The following SLC30A7 variants were observed in gnomAD, a reference collection of about 807,000 sequenced individuals.
The protein encoded by SLC30A7 is zinc transporter 7.
In SLC30A7, 35 loss-of-function variants were observed where a neutral mutation model predicts 46.0. That is an observed-to-expected ratio of 0.76 (90% confidence interval 0.58 to 1.01). The LOEUF is 1.01. SLC30A7 is among the 50% of genes least tolerant of loss of function. The pLI is 0.00. For missense variants in SLC30A7, 464 were observed against 451.1 expected, an observed-to-expected ratio of 1.03 and a Z score of -0.26; for synonymous variants, 147 against 157.8, an observed-to-expected ratio of 0.93 and a Z score of 0.51.
At chr1:100,910,921 G>A (rs1652044966) in intron 3 of SLC30A7, 142 bp from the exon 4 acceptor site, 1 of 554,230 alleles carries the variant, frequency 1.8e-6, no homozygotes, top group South Asian at 2.7e-5. Flanking sequence ...AAAATAAAAT[G>A]CACTGTACTA....
At chr1:100,992,993 A>G in the SLC30A7 span, among the ~76,000 whole-genome samples, 1 of 150,676 alleles carries the variant, frequency 6.6e-6, no homozygotes. Context: ...ATAGATGTCT[A>G]AATGAAAGTT....
intron 9 of SLC30A7, among the ~76,000 whole-genome samples, chr1:100,964,288 T>G (rs145252544): frequency 0.021 from 2,061 of 96,186 alleles, 62 homozygotes; most frequent in African/African-American, 0.081. Flanking sequence ...ATAACATATA[T>G]GTTATATAAC....
intron 8 of SLC30A7, among the ~76,000 whole-genome samples, chr1:100,944,080 C>G (rs1654491603): frequency 6.6e-6 from 1 of 152,184 alleles, no homozygotes; most frequent in Non-Finnish European, 1.5e-5. Context: ...GAGACAGGGT[C>G]TGGCTCTGTC....
At chr1:100,916,704 C>CTTTTTT (rs33980397) in intron 6 of SLC30A7, among the ~76,000 whole-genome samples, 18 of 92,320 alleles carry the variant, frequency 1.9e-4, no homozygotes, top group South Asian at 7.6e-4. Context: ...TTCATTCATT[C>CTTTTTT]TTTTTTTTTT....
chr1:100,938,773 A>C (rs1654140782), intron 8 of SLC30A7, among the ~76,000 whole-genome samples: 1 of 152,140 alleles, frequency 6.6e-6, no homozygotes, highest in Non-Finnish European at 1.5e-5. Flanking sequence ...TCTCAGGGAG[A>C]GCTCCAGTCT....
At chr1:100,905,122 C>A (rs990105689) in intron 2 of SLC30A7, among the ~76,000 whole-genome samples, 25 of 152,016 alleles carry the variant, frequency 1.6e-4, no homozygotes, top group Non-Finnish European at 2.6e-4. Flanking sequence ...TGATAAGAAC[C>A]TTACAATAAT....
rs767603147 is a variant in SLC30A7, at chr1:100,896,578, T to A, written c.89T>A (p.Leu30Gln). The part of the protein sequence containing the change: ...GKISGWFRSI[L>Q]SDKTSRNLFF... Reference sequence around the variant, plus strand: ...ACGTGTATCATTCCCAGGTCTATACTGTCCGACAAGACTTCCCGGAACCTG... The same window carrying A: ...ACGTGTATCATTCCCAGGTCTATACAGTCCGACAAGACTTCCCGGAACCTG... The change falls in exon 2 of 11, where the codon CTG becomes CAG. Residue 30 changes from leucine to glutamine, a missense_variant. By Grantham distance (113) the Leu-to-Gln change is moderately radical (BLOSUM62 -2). Coordinates refer to ENST00000357650, the MANE Select transcript of SLC30A7 (RefSeq NM_133496.5). 1.1e-5 allele frequency: 17 copies of A among 1,614,032 alleles called. No individual in the cohort carries two copies. Among genetic ancestry groups the A allele is most frequent in the Non-Finnish European group, 1.3e-5 (15 of 1,179,892 alleles).
At chr1:100,911,240 A>C in intron 4 of SLC30A7, 90 bp downstream of exon 4, 1 of 833,932 alleles carries the variant, frequency 1.2e-6, no homozygotes, top group Non-Finnish European at 1.8e-6. Context: ...TTTTTCAACT[A>C]TTATTAAATA....
In SLC30A7 at chr1:100,921,708, G is replaced by A. The variant is rs1652943004; in HGVS notation, c.709G>A (p.Val237Ile). Residue 237 changes from valine (V) to isoleucine (I), a missense_variant and splice_region_variant, in exon 8 of 11, where the codon GTA becomes ATA. Coordinates refer to ENST00000357650, the MANE Select transcript of SLC30A7 (RefSeq NM_133496.5). The stretch of plus-strand genomic sequence containing the variant: ...TTTTTATTATGGTTTATTTCTAGGT[G>A]TATTTTTACATATCCTAGCAGATAC... Reference protein sequence around the residue: ...TGPSRQILQGVFLHILADTLG... With the variant: ...TGPSRQILQGIFLHILADTLG... The A allele has an allele frequency of 6.2e-7, 1 of 1,607,040 alleles. No homozygotes were observed. Among genetic ancestry groups the A allele is most frequent in the Non-Finnish European group, 8.5e-7 (1 of 1,175,416 alleles).
In SLC30A7 at chr1:100,944,470, T is replaced by A. The variant is rs189849283; in HGVS notation, c.843-17358T>A. Among the ~76,000 whole-genome samples, 683 of 152,234 alleles carry A rather than the reference T, an allele frequency of 4.5e-3. 4 individuals are homozygous for A. Among genetic ancestry groups the A allele is most frequent in the African/African-American group, 0.016 (658 of 41,536 alleles). On this transcript the variant is annotated intron_variant, in intron 8 of 10. Transcript: ENST00000357650. ...TACTAGCTGCAAAAAGAAAAAAAAA[T>A]TGGCTCCTTTTGGTTCTTTAGTTTT... is the stretch of plus-strand genomic sequence containing the variant.
At chr1:100,896,745 G>A (rs150070794) in intron 2 of SLC30A7, 74 bp downstream of exon 2, 3 of 1,271,194 alleles carry the variant, frequency 2.4e-6, no homozygotes, top group Admixed American at 1.9e-5. Flanking sequence ...TTAATGCCAC[G>A]TAGCTCCTCA....
At chr1:100,986,198 T>G (rs1402492421), downstream of SLC30A7, among the ~76,000 whole-genome samples, 1 of 151,918 alleles carries the variant, frequency 6.6e-6, no homozygotes, top group South Asian at 2.1e-4. Flanking sequence ...TCACCTGAGG[T>G]TGGGAGTTCG....
chr1:100,987,445 T>G, the SLC30A7 span, among the ~76,000 whole-genome samples: 1 of 152,194 alleles, frequency 6.6e-6, no homozygotes, highest in South Asian at 2.1e-4. Context: ...TTCCTCAGAT[T>G]GGACAATTTC....
At position 100,977,567 on chromosome 1, in the gene SLC30A7, T is replaced by C. The variant is rs1323348033; in HGVS notation, c.*2710T>C. The C allele has an allele frequency of 6.6e-6, 1 of 152,204 alleles. No individual in the cohort carries two copies. The highest frequency in any genetic ancestry group is 1.5e-5 in the Non-Finnish European group (1 of 68,038). 9.4% of individuals were successfully genotyped at this position (152,204 alleles called of 1,614,324 possible). On this transcript the variant is annotated 3_prime_UTR_variant, in exon 11 of 11. Coordinates refer to ENST00000357650, the MANE Select transcript of SLC30A7 (RefSeq NM_133496.5). ...TTATAAAATTAATTTACAATGTCCC[T>C]GATATTGAGCTAACTCTTAAAAAAA... is the stretch of plus-strand genomic sequence containing the variant.
At chr1:100,909,404 T>C (rs952445408) in intron 3 of SLC30A7, among the ~76,000 whole-genome samples, 2 of 152,152 alleles carry the variant, frequency 1.3e-5, no homozygotes, top group African/African-American at 4.8e-5. Flanking sequence ...AAAAGTAATA[T>C]ACATCCAGTA....
chr1:100,915,409 T>G (rs1481411570), intron 6 of SLC30A7, among the ~76,000 whole-genome samples: 1 of 152,086 alleles, frequency 6.6e-6, no homozygotes, highest in Non-Finnish European at 1.5e-5. Flanking sequence ...TGAAACTTTG[T>G]ACCCTTTGAC....
At chr1:100,968,475 AT>A (rs1162158790) in intron 10 of SLC30A7, among the ~76,000 whole-genome samples, 8 of 151,852 alleles carry the variant, frequency 5.3e-5, no homozygotes, top group Admixed American at 3.3e-4. Flanking sequence ...AAAAAAAAAA[AT>A]GTTTTTTTCC....
the SLC30A7 span, among the ~76,000 whole-genome samples, chr1:100,993,254 A>G: frequency 6.6e-6 from 1 of 152,070 alleles, no homozygotes; most frequent in Non-Finnish European, 1.5e-5. Context: ...CATATTAACA[A>G]AAATATAGCC....
At chr1:100,946,263 T>C (rs928185820) in intron 8 of SLC30A7, among the ~76,000 whole-genome samples, 2 of 152,218 alleles carry the variant, frequency 1.3e-5, no homozygotes, top group African/African-American at 4.8e-5. Context: ...CTTTTCCTAA[T>C]TGAATACCGT....
Sources: gnomAD v4.1 joint callset for allele counts (sites outside exome capture counted in the v4.1 genomes callset) on GRCh38, gnomAD v4.1.1 for gene constraint, MANE v1.5 for transcripts, NCBI Gene and HGNC (gene_info 2026-07-23, HGNC 2026-07-21) for gene names.